The following AEBP2 variants were observed in gnomAD, a reference collection of about 807,000 sequenced individuals.
The protein encoded by AEBP2 is zinc finger protein AEBP2.
A neutral mutation model predicts 50.8 loss-of-function variants in AEBP2; 10 were observed. The observed-to-expected ratio is 0.20, with a 90% CI of 0.12 to 0.33. The LOEUF (loss-of-function observed/expected upper bound fraction) is 0.33. Ranked by LOEUF, AEBP2 falls within the 10% of genes least tolerant of loss-of-function variation. AEBP2 has a pLI of 1.00. For synonymous variants in AEBP2, 296 were observed against 261.3 expected (o/e 1.13, Z -1.28); for missense variants, 570 against 688.0 (o/e 0.83, Z 1.92).
intron 1 of AEBP2, among the ~76,000 whole-genome samples, chr12:19,423,012 C>G (rs1445230704): frequency 8.2e-6 from 1 of 122,472 alleles, no homozygotes; most frequent in Non-Finnish European, 1.6e-5. Flanking sequence ...TTGCAGTGAG[C>G]CGAGATTGTG....
chr12:19,440,212 C>T lies in AEBP2; in HGVS notation c.513C>T (p.Gly171=). 4 of 1,454,108 alleles carry T rather than the reference C, an allele frequency of 2.8e-6. No homozygotes were observed. The highest frequency in any genetic ancestry group is 3.6e-6 in the Non-Finnish European group (4 of 1,115,720). The allele number at this position is 1,454,108 out of a possible 1,614,324, so 90.1% of individuals were successfully genotyped here. The stretch of plus-strand genomic sequence containing the variant: ...GACCGCGGGGCAGCCAGGGCGGCGG[C>T]GGGGGCGGCAGCAGTAGCAGCAGCG... ...PKGPRGSQGG[G]GGGSSSSSVV... Residue 171 remains glycine (G), a synonymous_variant, in exon 1 of 8, where the codon GGC becomes GGT. Transcript: ENST00000266508.
chr12:19,500,829 C>T (rs1449502548), intron 5 of AEBP2, among the ~76,000 whole-genome samples: 1 of 152,056 alleles, frequency 6.6e-6, no homozygotes, highest in African/African-American at 2.4e-5. Flanking sequence ...AGAAAAGTAC[C>T]AAATTTGAAA....
At chr12:19,433,704 G>A (rs557811038) in intron 1 of AEBP2, among the ~76,000 whole-genome samples, 7 of 151,352 alleles carry the variant, frequency 4.6e-5, no homozygotes, top group African/African-American at 7.3e-5. Flanking sequence ...CACTTGAACC[G>A]TGGGTGGAAA....
intron 5 of AEBP2, among the ~76,000 whole-genome samples, chr12:19,502,940 C>G (rs775054380): frequency 2.6e-5 from 4 of 152,302 alleles, no homozygotes; most frequent in Admixed American, 2.0e-4. Flanking sequence ...CGAGCCACCA[C>G]GCTTGGCTGT....
chr12:19,476,806 G>A (rs189210782), intron 3 of AEBP2, among the ~76,000 whole-genome samples: 9 of 152,248 alleles, frequency 5.9e-5, no homozygotes, highest in Non-Finnish European at 1.2e-4. Context: ...CTCTCTTTCG[G>A]TTCCATATGA....
intron 1 of AEBP2, among the ~76,000 whole-genome samples, chr12:19,449,528 T>C (rs575350434): frequency 4.6e-5 from 7 of 152,340 alleles, no homozygotes; most frequent in South Asian, 2.1e-4. Context: ...TTGTTTTCCA[T>C]AGACTATATT....
Position 19,444,606 on chromosome 12 carries a change from CT to C in AEBP2, c.671+4239del, listed in dbSNP as rs774007233. Among the ~76,000 whole-genome samples, 9 of 152,240 alleles carry C rather than the reference CT, an allele frequency of 5.9e-5. No homozygotes were observed. In the East Asian group the frequency reaches 1.4e-3, roughly 23 times the overall value. ...ATATTTCAATTTTTGAGTAGTATAT[CT>C]TTGAACTTTAGTTCCTCAACTACAA... On this transcript the variant is annotated intron_variant, in intron 1 of 7. Coordinates refer to ENST00000266508, the MANE Select transcript of AEBP2 (RefSeq NM_153207.5).
chr12:19,416,744 A>C, intron 1 of AEBP2, among the ~76,000 whole-genome samples: 1 of 142,468 alleles, frequency 7.0e-6, no homozygotes, highest in Non-Finnish European at 1.5e-5. Context: ...CGGGTTCAGG[A>C]TTTCTCCATG....
At chr12:19,458,079 A>C (rs1022191475) in intron 1 of AEBP2, among the ~76,000 whole-genome samples, 2 of 151,386 alleles carry the variant, frequency 1.3e-5, no homozygotes, top group Non-Finnish European at 2.9e-5. Context: ...AAATACTATA[A>C]GTTTAGGTGG....
intron 5 of AEBP2, among the ~76,000 whole-genome samples, chr12:19,507,543 A>G (rs1008867036): frequency 1.3e-5 from 2 of 152,380 alleles, no homozygotes; most frequent in South Asian, 2.1e-4. Flanking sequence ...TGACACTTAC[A>G]TATATTGTAA....
intron 1 of AEBP2, among the ~76,000 whole-genome samples, chr12:19,454,854 C>A (rs1948238812): frequency 6.6e-6 from 1 of 152,164 alleles, no homozygotes; most frequent in Admixed American, 6.5e-5. Flanking sequence ...GAAAAGAAGA[C>A]TGCCGATAAG....
intron 1 of AEBP2, chr12:19,457,425 G>T: frequency 2.7e-6 from 4 of 1,499,562 alleles, no homozygotes; most frequent in East Asian, 4.5e-5. Flanking sequence ...CCACAAGGAG[G>T]TATTAATGGT....
At chr12:19,492,596 TA>T (rs1003368396) in intron 3 of AEBP2, among the ~76,000 whole-genome samples, 134 of 151,720 alleles carry the variant, frequency 8.8e-4, no homozygotes, top group African/African-American at 2.1e-3. Flanking sequence ...CAAAATAAAA[TA>T]AAAAAAATTT....
intron 1 of AEBP2, among the ~76,000 whole-genome samples, chr12:19,421,526 G>A (rs1474599071): frequency 3.3e-5 from 5 of 151,848 alleles, no homozygotes; most frequent in Non-Finnish European, 7.4e-5. Context: ...GGAGGCTGAG[G>A]TGGGAGAGTC....
chr12:19,483,291 A>T (rs1445588442), intron 3 of AEBP2, among the ~76,000 whole-genome samples: 1 of 152,040 alleles, frequency 6.6e-6, no homozygotes, highest in Non-Finnish European at 1.5e-5. Flanking sequence ...TATATTTTGC[A>T]CGTTCCCTTA....
At chr12:19,460,203 C>A (rs753283730) in intron 1 of AEBP2, among the ~76,000 whole-genome samples, 5 of 152,158 alleles carry the variant, frequency 3.3e-5, no homozygotes, top group Non-Finnish European at 4.4e-5. Flanking sequence ...AGTGAAGACC[C>A]TGTCTTAACA....
At chr12:19,440,461 C>A in intron 1 of AEBP2, 91 bp downstream of exon 1, 1 of 1,415,742 alleles carries the variant, frequency 7.1e-7, no homozygotes, top group Non-Finnish European at 9.2e-7. Flanking sequence ...TGCCGCGATC[C>A]CCCTGCTCCC....
intron 2 of AEBP2, chr12:19,466,798 C>G (rs1196019939): frequency 1.0e-6 from 1 of 984,642 alleles, no homozygotes; most frequent in Non-Finnish European, 1.2e-6. Flanking sequence ...AATTGGTAAC[C>G]CTAGAAGATT....
At chr12:19,418,280 A>T (rs925357964) in intron 1 of AEBP2, among the ~76,000 whole-genome samples, 2 of 151,686 alleles carry the variant, frequency 1.3e-5, no homozygotes, top group Non-Finnish European at 2.9e-5. Flanking sequence ...GCTAGAGTGC[A>T]GTGGCACAAT....
Sources: allele counts gnomAD v4.1 joint callset (sites outside exome capture counted in the v4.1 genomes callset), GRCh38; gene constraint gnomAD v4.1.1; transcripts MANE v1.5; gene names NCBI Gene and HGNC (gene_info 2026-07-23, HGNC 2026-07-21).